MET: variants seen among roughly 807,000 people sequenced by gnomAD.
The protein encoded by MET is hepatocyte growth factor receptor.
In MET, 48 loss-of-function variants were observed where a neutral mutation model predicts 133.1. The ratio of observed to expected loss-of-function variants is 0.36; its 90% CI spans 0.29 to 0.46. The LOEUF (loss-of-function observed/expected upper bound fraction) is 0.46, where lower values mean the gene tolerates loss of function less well. Ranked by LOEUF, MET falls within the 20% of genes least tolerant of loss-of-function variation. The probability of loss-of-function intolerance (pLI) is 1.00; values close to 1 mark genes in which losing one functional copy is unlikely to be tolerated. For missense variants in MET, 1,442 were observed against 1,695.9 expected, an observed-to-expected ratio of 0.85 and a Z score of 2.63; for synonymous variants, 628 against 616.5, an observed-to-expected ratio of 1.02 and a Z score of -0.28.
intron 15 of MET, among the ~76,000 whole-genome samples, chr7:116,776,580 A>T (rs1400579016): frequency 6.6e-6 from 1 of 152,248 alleles, no homozygotes; most frequent in African/African-American, 2.4e-5. Context: ...AGGAGCACTC[A>T]AAAGCATAAG....
At chr7:116,700,977 A>G (rs1338977990) in intron 2 of MET, among the ~76,000 whole-genome samples, 1 of 152,204 alleles carries the variant, frequency 6.6e-6, no homozygotes, top group Non-Finnish European at 1.5e-5. Flanking sequence ...TGTGTCTACC[A>G]AGTTCTAGCT....
At chr7:116,754,939 G>GAAAGAAAA (rs1794088369) in intron 5 of MET, among the ~76,000 whole-genome samples, 9 of 122,672 alleles carry the variant, frequency 7.3e-5, no homozygotes, top group Non-Finnish European at 1.4e-4. Flanking sequence ...AAGAAAGAAA[G>GAAAGAAAA]AAAGAAAGAA....
At chr7:116,679,432 A>C (rs957419248) in intron 1 of MET, among the ~76,000 whole-genome samples, 4 of 152,204 alleles carry the variant, frequency 2.6e-5, no homozygotes, top group African/African-American at 9.7e-5. Flanking sequence ...AATAGGAAGG[A>C]ATTTCTAGAC....
At position 116,672,328 on chromosome 7, in the gene MET, T is replaced by G; in HGVS notation, c.-264T>G. ...TGAGTCACTGGCAGGGCAGCGCGCG[T>G]GTGGGAAGGGGCGGAGGGAGTGCGG... On this transcript the variant is annotated 5_prime_UTR_variant, in exon 1 of 21. Coordinates refer to ENST00000397752, the MANE Select transcript of MET (RefSeq NM_000245.4). 1.1e-5 allele frequency: 3 copies of G among 279,276 alleles called. No homozygotes were observed. Among genetic ancestry groups the G allele is most frequent in the Non-Finnish European group, 1.3e-5 (2 of 150,740 alleles). The allele number at this position is 279,276 out of a possible 1,614,324, so 17.3% of individuals were successfully genotyped here. A position where few individuals can be genotyped will look rare whatever the true frequency, so the allele number is the denominator to read the frequency against.
chr7:116,762,765 G>A (rs1408956787), intron 10 of MET, among the ~76,000 whole-genome samples: 1 of 152,060 alleles, frequency 6.6e-6, no homozygotes, highest in Non-Finnish European at 1.5e-5. Flanking sequence ...TGACTGTCCT[G>A]TCTTCTTAAG....
chr7:116,716,176 C>T (rs1792183985), intron 2 of MET, among the ~76,000 whole-genome samples: 1 of 151,610 alleles, frequency 6.6e-6, no homozygotes, highest in African/African-American at 2.4e-5. Context: ...CTCTTGAGCC[C>T]AGAAGGGAAG....
chr7:116,697,089 C>T (rs941038623), intron 1 of MET, among the ~76,000 whole-genome samples: 1 of 152,178 alleles, frequency 6.6e-6, no homozygotes, highest in East Asian at 1.9e-4. Flanking sequence ...CCCGACTCAA[C>T]GTGGTTAAAA....
intron 1 of MET, among the ~76,000 whole-genome samples, chr7:116,674,982 T>G (rs1282926304): frequency 1.3e-5 from 2 of 152,270 alleles, no homozygotes; most frequent in Non-Finnish European, 1.5e-5. Context: ...GAAACTCAAG[T>G]GTCCGGAAGT....
chr7:116,719,284 A>G (rs1375005774), intron 2 of MET, among the ~76,000 whole-genome samples: 107 of 150,722 alleles, frequency 7.1e-4, no homozygotes, highest in African/African-American at 1.7e-3. Flanking sequence ...GGCTGCATAA[A>G]TGTCTTCTTT....
At chr7:116,672,651 A>G in intron 1 of MET, 74 bp downstream of exon 1, 2 of 374,006 alleles carry the variant, frequency 5.3e-6, no homozygotes, top group Non-Finnish European at 4.8e-6. Flanking sequence ...TGTTCCCCTA[A>G]GAGACCTGAC....
chr7:116,786,320 G>C (rs1394440250), intron 19 of MET, among the ~76,000 whole-genome samples: 1 of 152,206 alleles, frequency 6.6e-6, no homozygotes, highest in Non-Finnish European at 1.5e-5. Context: ...GGGGCTTAGA[G>C]CTTCAACATA....
chr7:116,694,563 A>G (rs1796891781), intron 1 of MET, among the ~76,000 whole-genome samples: 2 of 152,172 alleles, frequency 1.3e-5, no homozygotes, highest in Admixed American at 1.3e-4. Context: ...CTATTTCTAC[A>G]TGTGTACATT....
At chr7:116,673,052 C>T (rs1477450780) in intron 1 of MET, among the ~76,000 whole-genome samples, 1 of 152,094 alleles carries the variant, frequency 6.6e-6, no homozygotes, top group Non-Finnish European at 1.5e-5. Context: ...GGCAATCACG[C>T]GGGGCTTGTG....
At chr7:116,752,530 G>A (rs995382671) in intron 5 of MET, among the ~76,000 whole-genome samples, 2 of 152,316 alleles carry the variant, frequency 1.3e-5, no homozygotes, top group African/African-American at 4.8e-5. Flanking sequence ...ATCCAAGGGT[G>A]TGTAGTTCAC....
At chr7:116,767,693 A>C in intron 11 of MET, among the ~76,000 whole-genome samples, 1 of 151,934 alleles carries the variant, frequency 6.6e-6, no homozygotes, top group Admixed American at 6.6e-5. Flanking sequence ...TTACCATTTT[A>C]GTGACTGAAA....
At chr7:116,717,080 A>C (rs917728272) in intron 2 of MET, among the ~76,000 whole-genome samples, 2 of 152,184 alleles carry the variant, frequency 1.3e-5, no homozygotes, top group African/African-American at 4.8e-5. Context: ...CTTTCTTTTC[A>C]ACTGTGCCCT....
chr7:116,749,502 A>G (rs1306554431), intron 5 of MET, among the ~76,000 whole-genome samples: 1 of 152,238 alleles, frequency 6.6e-6, no homozygotes, highest in Non-Finnish European at 1.5e-5. Flanking sequence ...AGCCAATATC[A>G]TTTTGAATGG....
chr7:116,721,061 G>T (rs1792465561), intron 2 of MET, among the ~76,000 whole-genome samples: 1 of 152,078 alleles, frequency 6.6e-6, no homozygotes, highest in South Asian at 2.1e-4. Context: ...AGAAGGAATG[G>T]TACCAGTTCC....
chr7:116,778,068 C>A (rs996130950), intron 16 of MET, among the ~76,000 whole-genome samples: 1 of 152,098 alleles, frequency 6.6e-6, no homozygotes, highest in African/African-American at 2.4e-5. Flanking sequence ...TTGAGAAAAT[C>A]TTTTTAAGAT....
Sources: allele counts gnomAD v4.1 joint callset (sites outside exome capture counted in the v4.1 genomes callset), GRCh38; gene constraint gnomAD v4.1.1; transcripts MANE v1.5; gene names NCBI Gene and HGNC (gene_info 2026-07-23, HGNC 2026-07-21).